GPC2: variants seen among roughly 807,000 people sequenced by gnomAD.
GPC2 encodes the protein glypican 2, also known as glypican-2.
A neutral mutation model predicts 57.3 loss-of-function variants in GPC2; 42 were observed. The observed-to-expected ratio is 0.73, with a 90% confidence interval of 0.57 to 0.95. The LOEUF (loss-of-function observed/expected upper bound fraction) is 0.95, where lower values mean the gene tolerates loss of function less well. Ranked by LOEUF, GPC2 falls within the 40% of genes least tolerant of loss-of-function variation. The pLI is 0.00. For synonymous variants in GPC2, 364 were observed against 343.4 expected (o/e 1.06, Z -0.66); for missense variants, 745 against 793.6 (o/e 0.94, Z 0.74).
Position 100,175,892 on chromosome 7 carries a change from ACT to A in GPC2, c.326_327del (p.Glu109ValfsTer48), listed in dbSNP as rs2116988921. The A allele has an allele frequency of 6.2e-7, 1 of 1,612,172 alleles. No individual in the cohort carries two copies. Among genetic ancestry groups the A allele is most frequent in the Non-Finnish European group, 8.5e-7 (1 of 1,178,702 alleles). Reference sequence around the variant, plus strand: ...GCTACTGAGAGCATCTCCAGAAAAAACTCTGCAGCAAATGCAGGGAACAGGTG... The same window carrying A: ...GCTACTGAGAGCATCTCCAGAAAAAACTGCAGCAAATGCAGGGAACAGGTG... Reference protein sequence around the residue: ...TLAARHRKFDEFFLEMLSVAQ... With the variant: ...TLAARHRKFDXFFLEMLSVAQ... On this transcript the variant is annotated frameshift_variant and splice_region_variant, in exon 3 of 10. Transcript: ENST00000292377. LOFTEE classifies it high-confidence loss of function.
Position 100,171,610 on chromosome 7 carries a change from G to A in GPC2, c.1239C>T (p.Cys413=), listed in dbSNP as rs1029550295. 4 of 1,531,754 alleles carry A rather than the reference G, an allele frequency of 2.6e-6. No individual in the cohort carries two copies. The highest frequency in any genetic ancestry group is 1.2e-5 in the South Asian group (1 of 82,622). 94.9% of individuals were successfully genotyped at this position (1,531,754 alleles called of 1,614,324 possible). A position where few individuals can be genotyped will look rare whatever the true frequency, so the allele number is the denominator to read the frequency against. ...GFWARLSLTV[C]GDSRMAADAS... is the part of the protein sequence containing the mutation. ...CGTCCGCTGCCATGCGAGAGTCTCC[G>A]CACACCGTCAGGGACAGCCGGGCCC... is the stretch of plus-strand genomic sequence containing the variant. Residue 413 remains cysteine (C), a synonymous_variant, in exon 8 of 10, where the codon TGC becomes TGT. Transcript: ENST00000292377. This position sits in a 1 kb window ranked among gnomAD's most constrained non-coding sequence, Gnocchi z 4.8.
intron 4 of GPC2, chr7:100,174,264 G>GAGGA (rs1799232511): frequency 1.9e-6 from 1 of 525,424 alleles, no homozygotes; most frequent in Admixed American, 3.5e-5. Flanking sequence ...GCTGGGGAGG[G>GAGGA]AGGAGGCGGT....
In GPC2 at chr7:100,171,294, CG is replaced by C; in HGVS notation, c.1452del (p.Ala485HisfsTer102). On this transcript the variant is annotated frameshift_variant, in exon 9 of 10. Coordinates refer to ENST00000292377, the MANE Select transcript of GPC2 (RefSeq NM_152742.3). LOFTEE classifies it high-confidence loss of function. This position sits in a 1 kb window ranked among gnomAD's most constrained non-coding sequence, Gnocchi z 4.8. ...LRAATARMKTAALGHDLDGQD... is the reference protein window; with the variant it reads ...LRAATARMKTXALGHDLDGQD... The stretch of plus-strand genomic sequence containing the variant: ...TGCCCGTCCAGGTCGTGTCCCAGTG[CG>C]GCCGTTTTCATTCTGGCCGTGGCCG... 1 of 1,537,364 alleles carries C rather than the reference CG, an allele frequency of 6.5e-7. No individual in the cohort carries two copies. The highest frequency in any genetic ancestry group is 2.6e-5 in the East Asian group (1 of 38,222).
chr7:100,177,230 G>GT lies in GPC2; in HGVS notation c.-32dup, dbSNP rs1554401832. 1 of 1,580,820 alleles carries GT rather than the reference G, an allele frequency of 6.3e-7. No individual in the cohort carries two copies. Among genetic ancestry groups the GT allele is most frequent in the Non-Finnish European group, 8.6e-7 (1 of 1,160,756 alleles). On this transcript the variant is annotated 5_prime_UTR_variant, in exon 1 of 10. Coordinates refer to ENST00000292377, the MANE Select transcript of GPC2 (RefSeq NM_152742.3). ...CAGCCACCCCAGGACGGCAAAGTGG[G>GT]TCCTAAGGAGGAAAGCAGAGCCTCC...
chr7:100,175,961 G>T, intron 2 of GPC2, 67 bp from the exon 3 acceptor site: 1 of 1,326,140 alleles, frequency 7.5e-7, no homozygotes, highest in Non-Finnish European at 1.1e-6. Flanking sequence ...AAGTGAACAG[G>T]CAGAGGCAGG....
At position 100,171,504 on chromosome 7, in the gene GPC2, G is replaced by A. The variant is rs2116981820; in HGVS notation, c.1310+35C>T. ...CCCCGCCCCTCCCGGCCGCGGTCCC[G>A]CCCCCTGCTGCCCCCCGACGCCCCC... is the stretch of plus-strand genomic sequence containing the variant. On this transcript the variant is annotated intron_variant, in intron 8 of 9. Transcript: ENST00000292377. This position sits in a 1 kb window ranked among gnomAD's most constrained non-coding sequence, Gnocchi z 4.8. 1.5e-6 allele frequency: 2 copies of A among 1,347,292 alleles called. No individual in the cohort carries two copies. Among genetic ancestry groups the A allele is most frequent in the East Asian group, 3.1e-5 (1 of 32,230 alleles). 83.5% of individuals were successfully genotyped at this position (1,347,292 alleles called of 1,614,324 possible).
rs1052428412 is a variant in GPC2 at position 100,172,154 on chromosome 7, G to A, written c.956C>T (p.Ser319Phe). 1.2e-6 allele frequency: 2 copies of A among 1,613,744 alleles called. No individual in the cohort carries two copies. The highest frequency in any genetic ancestry group is 1.7e-6 in the Non-Finnish European group (2 of 1,179,960). The change falls in exon 6 of 10, where the codon TCC becomes TTC. Residue 319 changes from serine to phenylalanine, a missense_variant. This residue lies in a region of GPC2 where 607 missense variants were observed against 603.9 expected (regional missense o/e 1.01). Coordinates refer to ENST00000292377, the MANE Select transcript of GPC2 (RefSeq NM_152742.3). ...ACCCTCCGAGATCTTCACCCCAATG[G>A]ACTCGGCCGTCAGCTCAAAGGAAAA... ...GPFSFELTAE[S>F]IGVKISEGLM...
Position 100,172,175 on chromosome 7 carries a change from G to A in GPC2, c.935C>T (p.Ser312Phe), listed in dbSNP as rs1186680604. 7 of 1,613,884 alleles carry A rather than the reference G, an allele frequency of 4.3e-6. No homozygotes were observed. The highest frequency in any genetic ancestry group is 5.9e-6 in the Non-Finnish European group (7 of 1,180,014). The change falls in exon 6 of 10, where the codon TCC becomes TTC. Residue 312 changes from serine to phenylalanine, a missense_variant. Around this residue, in one of 2 missense-constraint regions of GPC2, gnomAD observed 607 missense variants for 603.9 expected, o/e 1.01. Coordinates refer to ENST00000292377, the MANE Select transcript of GPC2 (RefSeq NM_152742.3). Reference protein sequence around the residue: ...ILADKLQGPFSFELTAESIGV... With the variant: ...ILADKLQGPFFFELTAESIGV... The stretch of plus-strand genomic sequence containing the variant: ...AATGGACTCGGCCGTCAGCTCAAAG[G>A]AAAAGGGGCCCTGGAGCTTATCAGC...
chr7:100,170,924 G>A (rs909734840), intron 9 of GPC2: 5 of 338,442 alleles, frequency 1.5e-5, no homozygotes, highest in African/African-American at 4.3e-5. Context: ...TCCACCCTGC[G>A]GAGCCAGCTC....
intron 5 of GPC2, chr7:100,173,581 A>C (rs1799219685): frequency 8.5e-6 from 2 of 236,116 alleles, no homozygotes; most frequent in African/African-American, 2.4e-5. Flanking sequence ...TGCCTGGCTG[A>C]TTTCTTTCTT....
rs766292878 is a variant in GPC2, at chr7:100,172,465, A to ATTTTTTTTTTTTTTTTTTT, written c.893-249_893-248insAAAAAAAAAAAAAAAAAAA. ...TAAATTTAAATTTTAGGATTTTAGG[A>ATTTTTTTTTTTTTTTTTTT]TTTTTTTTTTTTTTGAGACATAGTC... is the stretch of plus-strand genomic sequence containing the variant. On this transcript the variant is annotated intron_variant, in intron 5 of 9. Coordinates refer to ENST00000292377, the MANE Select transcript of GPC2 (RefSeq NM_152742.3). Among the ~76,000 whole-genome samples the ATTTTTTTTTTTTTTTTTTT allele has an allele frequency of 9.0e-4, 126 of 140,184 alleles. 2 individuals carry two copies. In the Middle Eastern group the frequency reaches 0.011, roughly 13 times the overall value. The allele number at this position is 140,184 out of a possible 152,430, so 92.0% of individuals were successfully genotyped here. A position where few individuals can be genotyped will look rare whatever the true frequency, so the allele number is the denominator to read the frequency against.
Position 100,171,137 on chromosome 7 carries a change from T to C in GPC2, c.1486+124A>G. 1 of 871,850 alleles carries C rather than the reference T, an allele frequency of 1.1e-6. No homozygotes were observed. Among genetic ancestry groups the C allele is most frequent in the Non-Finnish European group, 1.7e-6 (1 of 602,076 alleles). 54.0% of individuals were successfully genotyped at this position (871,850 alleles called of 1,614,324 possible). The stretch of plus-strand genomic sequence containing the variant: ...CAGGGCAACGCTCAATAAATGCTCG[T>C]TGAATGAATTAGTGAATTAATCAAT... On this transcript the variant is annotated intron_variant, in intron 9 of 9. Transcript: ENST00000292377. This position sits in a 1 kb window ranked among gnomAD's most constrained non-coding sequence, Gnocchi z 4.8.
Position 100,174,525 on chromosome 7 carries a change from C to T in GPC2, c.729+160G>A, listed in dbSNP as rs144161916. 5.4e-4 allele frequency: 377 copies of T among 702,586 alleles called. 2 individuals carry two copies. The African/African-American group carries it at 5.8e-3, about 11-fold the overall frequency. The allele number at this position is 702,586 out of a possible 1,614,324, so 43.5% of individuals were successfully genotyped here. On this transcript the variant is annotated intron_variant, in intron 4 of 9. Coordinates refer to ENST00000292377, the MANE Select transcript of GPC2 (RefSeq NM_152742.3). ...TCGTGGACCATTGGAGGTTTCACTCCAGCCCCCTCCTTCCTAATTCATCCT... is the reference window on the plus strand; with the variant it reads ...TCGTGGACCATTGGAGGTTTCACTCTAGCCCCCTCCTTCCTAATTCATCCT...
chr7:100,171,254 G>A lies in GPC2; in HGVS notation c.1486+7C>T. ...GGGGCTCAGGCTCAGGGATGCAGGG[G>A]TCTCACCCGCGTCCTGCCCGTCCAG... On this transcript the variant is annotated splice_region_variant and intron_variant, in intron 9 of 9. Coordinates refer to ENST00000292377, the MANE Select transcript of GPC2 (RefSeq NM_152742.3). This position sits in a 1 kb window ranked among gnomAD's most constrained non-coding sequence, Gnocchi z 4.8. The A allele has an allele frequency of 6.5e-7, 1 of 1,529,510 alleles. No homozygotes were observed. The allele number at this position is 1,529,510 out of a possible 1,614,324, so 94.7% of individuals were successfully genotyped here.
intron 9 of GPC2, 108 bp from the exon 10 acceptor site, chr7:100,170,591 G>T (rs1799161301): frequency 2.2e-6 from 2 of 902,874 alleles, no homozygotes; most frequent in Admixed American, 3.5e-5. Flanking sequence ...AAGGGAGGGA[G>T]ACACAGGTGG....
Position 100,171,723 on chromosome 7 carries a change from A to AC in GPC2, c.1171-46dup. ...CGGGGCGAGCTGGAGCGCGACCCCC[A>AC]CAACCATCCCCGGCCCCGGGCCCCC... On this transcript the variant is annotated intron_variant, in intron 7 of 9. Transcript: ENST00000292377. The surrounding 1 kb of genome is among the most constrained non-coding windows in gnomAD (Gnocchi z 4.8). 6.7e-7 allele frequency: 1 copy of AC among 1,492,866 alleles called. No homozygotes were observed. The highest frequency in any genetic ancestry group is 8.9e-7 in the Non-Finnish European group (1 of 1,129,168). The allele number at this position is 1,492,866 out of a possible 1,614,324, so 92.5% of individuals were successfully genotyped here.
intron 4 of GPC2, 61 bp from the exon 5 acceptor site, chr7:100,174,058 T>G: frequency 7.0e-7 from 1 of 1,424,258 alleles, no homozygotes; most frequent in Non-Finnish European, 9.3e-7. Flanking sequence ...CAGCCTGGCT[T>G]GGTGCTGGGC....
At chr7:100,174,625 GTC>G (rs758052689) in intron 4 of GPC2, 58 bp downstream of exon 4, 2 of 1,250,040 alleles carry the variant, frequency 1.6e-6, no homozygotes, top group East Asian at 4.7e-5. Flanking sequence ...TCCTTGTGGG[GTC>G]TCTCTCACTT....
rs769193098 is a variant in GPC2, at chr7:100,171,963, G to T, written c.1024-38C>A. On this transcript the variant is annotated intron_variant, in intron 6 of 9. Coordinates refer to ENST00000292377, the MANE Select transcript of GPC2 (RefSeq NM_152742.3). This position sits in a 1 kb window ranked among gnomAD's most constrained non-coding sequence, Gnocchi z 4.8. Reference sequence around the variant, plus strand: ...GAAGAGACCTCACACAGTCACCCTGGGGGGAAACCACACTGCGTCCCCACT... The same window carrying T: ...GAAGAGACCTCACACAGTCACCCTGTGGGGAAACCACACTGCGTCCCCACT... 1.0e-5 allele frequency: 16 copies of T among 1,544,424 alleles called. No individual in the cohort carries two copies. In the East Asian group the frequency reaches 3.6e-4, roughly 35 times the overall value.
Sources: gnomAD v4.1 joint callset for allele counts (sites outside exome capture counted in the v4.1 genomes callset) on GRCh38, gnomAD v4.1.1 for gene constraint, gnomAD v4.1.1 regional missense constraint, Gnocchi (gnomAD v3.1) non-coding constraint, MANE v1.5 for transcripts, NCBI Gene and HGNC (gene_info 2026-07-23, HGNC 2026-07-21) for gene names.